ITGB5: variants seen among roughly 807,000 people sequenced by gnomAD.
ITGB5 encodes the protein integrin beta-5.
In ITGB5, 38 loss-of-function variants were observed where a neutral mutation model predicts 84.8. That is an observed-to-expected ratio of 0.45 (90% CI 0.35 to 0.59). ITGB5 has a LOEUF of 0.59. ITGB5 is among the 20% of genes least tolerant of loss of function. The probability of loss-of-function intolerance (pLI) is 0.01; values close to 1 mark genes in which losing one functional copy is unlikely to be tolerated. For synonymous variants in ITGB5, 393 were observed against 414.4 expected (o/e 0.95, Z 0.63); for missense variants, 905 against 1,034.5 (o/e 0.87, Z 1.72).
At chr3:124,887,595 C>T (rs1282405137), upstream of ITGB5, 2 of 336,724 alleles carry the variant, frequency 5.9e-6, no homozygotes, top group Non-Finnish European at 1.3e-5. Flanking sequence ...TCGCTTGCGA[C>T]TCACTTGGGG....
intron 5 of ITGB5, among the ~76,000 whole-genome samples, chr3:124,841,065 C>T: frequency 6.6e-6 from 1 of 152,352 alleles, no homozygotes; most frequent in Middle Eastern, 3.4e-3. Context: ...TATGACTTGA[C>T]CTTTACTTTT....
intron 5 of ITGB5, among the ~76,000 whole-genome samples, chr3:124,827,200 A>G (rs4677946): frequency 0.27 from 41,089 of 151,874 alleles, 6,162 homozygotes; most frequent in African/African-American, 0.39. Context: ...CTGAGGTCAA[A>G]TCTTTGCTCT....
At chr3:124,810,325 C>A (rs150875882) in intron 8 of ITGB5, among the ~76,000 whole-genome samples, 3 of 151,956 alleles carry the variant, frequency 2.0e-5, no homozygotes, top group Non-Finnish European at 4.4e-5. Context: ...TGAGGGATTG[C>A]GATGGAAGAG....
chr3:124,884,967 T>A (rs1157183304), intron 1 of ITGB5, among the ~76,000 whole-genome samples: 1 of 152,164 alleles, frequency 6.6e-6, no homozygotes, highest in African/African-American at 2.4e-5. Context: ...TGGAAAATAA[T>A]GTATTTTTAG....
chr3:124,804,886 C>T (rs2064371005), intron 9 of ITGB5, among the ~76,000 whole-genome samples: 1 of 152,072 alleles, frequency 6.6e-6, no homozygotes, highest in Non-Finnish European at 1.5e-5. Flanking sequence ...AGGTTGGTCT[C>T]GAACTCCTGA....
chr3:124,803,618 G>A (rs1261131482), intron 9 of ITGB5, among the ~76,000 whole-genome samples: 1 of 152,198 alleles, frequency 6.6e-6, no homozygotes, highest in Non-Finnish European at 1.5e-5. Flanking sequence ...TCTTAGCTGG[G>A]TGAGCTGGGG....
intron 10 of ITGB5, among the ~76,000 whole-genome samples, chr3:124,793,942 G>A (rs1040292188): frequency 2.0e-5 from 3 of 152,248 alleles, no homozygotes; most frequent in African/African-American, 4.8e-5. Context: ...GGCAAGGTCC[G>A]CTCCAGGAAG....
chr3:124,822,888 C>T (rs2064728262), intron 5 of ITGB5, among the ~76,000 whole-genome samples: 1 of 152,058 alleles, frequency 6.6e-6, no homozygotes, highest in Admixed American at 6.5e-5. Context: ...TAATGGAAGC[C>T]AGGGAGAGGA....
intron 5 of ITGB5, among the ~76,000 whole-genome samples, chr3:124,838,746 C>T (rs1038174648): frequency 6.6e-6 from 1 of 152,036 alleles, no homozygotes; most frequent in East Asian, 1.9e-4. Flanking sequence ...GGACTACAGG[C>T]GCCTGCCACC....
Position 124,766,059 on chromosome 3 carries a change from C to CA in ITGB5, c.2137+166dup, listed in dbSNP as rs376914121. 6.2e-3 allele frequency among the ~76,000 whole-genome samples: 647 copies of CA among 104,418 alleles called. 5 individuals carry two copies. Among genetic ancestry groups the CA allele is most frequent in the East Asian group, 0.027 (98 of 3,626 alleles). 68.5% of individuals were successfully genotyped at this position (104,418 alleles called of 152,430 possible). The stretch of plus-strand genomic sequence containing the variant: ...TGGATGACACAGTGACAGCCTGTGT[C>CA]AAAAAAAAAAAAAAAAAGAAAAAGA... On this transcript the variant is annotated intron_variant, in intron 13 of 14. Transcript: ENST00000296181.
intron 1 of ITGB5, among the ~76,000 whole-genome samples, chr3:124,882,363 G>A (rs1934610207): frequency 6.6e-6 from 1 of 152,266 alleles, no homozygotes. Context: ...TCGGGATATA[G>A]GGAGGAGGTT....
chr3:124,848,938 C>G (rs753679648), intron 3 of ITGB5, among the ~76,000 whole-genome samples: 1 of 152,046 alleles, frequency 6.6e-6, no homozygotes, highest in Non-Finnish European at 1.5e-5. Flanking sequence ...CACCACCATG[C>G]CTGGCTAATT....
chr3:124,875,567 T>C (rs1391901789), intron 1 of ITGB5, among the ~76,000 whole-genome samples: 1 of 151,714 alleles, frequency 6.6e-6, no homozygotes, highest in Non-Finnish European at 1.5e-5. Flanking sequence ...TTGGTGGGAA[T>C]GTAAATTAGT....
At chr3:124,775,345 TGAGG>T (rs1436959808) in intron 10 of ITGB5, among the ~76,000 whole-genome samples, 4 of 151,898 alleles carry the variant, frequency 2.6e-5, no homozygotes, top group Non-Finnish European at 1.5e-5. Context: ...AGTGCAAGTG[TGAGG>T]GAGGATGTGT....
intron 1 of ITGB5, among the ~76,000 whole-genome samples, chr3:124,883,814 AGT>A (rs1934685801): frequency 6.6e-6 from 1 of 152,162 alleles, no homozygotes; most frequent in African/African-American, 2.4e-5. Flanking sequence ...GCCTCACCTC[AGT>A]GAGACCCCTG....
At chr3:124,899,451 T>C (rs1309334088) in intron 1 of ITGB5, among the ~76,000 whole-genome samples, 3 of 152,088 alleles carry the variant, frequency 2.0e-5, no homozygotes, top group African/African-American at 7.2e-5. Context: ...ATTCCTCCCA[T>C]CACTGCATAA....
At chr3:124,894,399 C>G (rs1051336629) in intron 1 of ITGB5, 1 of 152,190 alleles carries the variant, frequency 6.6e-6, no homozygotes, top group Admixed American at 6.5e-5. Context: ...TCCCAAAGTG[C>G]TGGGATTACA....
chr3:124,773,781 G>GAC lies in ITGB5; in HGVS notation c.1823_1824dup (p.Leu609ValfsTer58). On this transcript the variant is annotated frameshift_variant, in exon 11 of 15. Coordinates refer to ENST00000296181, the MANE Select transcript of ITGB5 (RefSeq NM_002213.5). LOFTEE classifies it high-confidence loss of function. ...TCCGTGCATTGGCACTGCCCACAGA[G>GAC]ACAGTGCCCACGCTCGCTGCAGATC... The GAC allele has an allele frequency of 3.7e-6, 6 of 1,613,680 alleles. No homozygotes were observed. The highest frequency in any genetic ancestry group is 5.1e-6 in the Non-Finnish European group (6 of 1,180,036).
chr3:124,768,369 T>A (rs1224433301), intron 12 of ITGB5, among the ~76,000 whole-genome samples: 1 of 152,234 alleles, frequency 6.6e-6, no homozygotes, highest in Non-Finnish European at 1.5e-5. Context: ...AATATTTCCA[T>A]CACCACAGAA....
Sources: gnomAD v4.1 joint callset for allele counts (sites outside exome capture counted in the v4.1 genomes callset) on GRCh38, gnomAD v4.1.1 for gene constraint, MANE v1.5 for transcripts, NCBI Gene and HGNC (gene_info 2026-07-23, HGNC 2026-07-21) for gene names.